Variants in LMNB1 observed in about 807,000 individuals in gnomAD.
LMNB1 encodes lamin B1.
A neutral mutation model predicts 67.1 loss-of-function variants in LMNB1; 23 were observed. That is an observed-to-expected ratio of 0.34 (90% CI 0.25 to 0.49). The LOEUF is 0.49. Among genes scored for constraint, LMNB1 ranks in the 20% least tolerant of loss-of-function variants. LMNB1 has a pLI of 0.99. For missense variants in LMNB1, 634 were observed against 746.5 expected (o/e 0.85, Z 1.76); for synonymous variants, 281 against 282.9 (o/e 0.99, Z 0.07).
intron 10 of LMNB1, among the ~76,000 whole-genome samples, chr5:126,835,746 T>TA (rs1178884292): frequency 1.3e-5 from 2 of 152,232 alleles, no homozygotes; most frequent in Admixed American, 6.5e-5. Flanking sequence ...AGTTGACAAT[T>TA]ACTGTTCTGG....
At chr5:126,782,081 C>T (rs965117800) in intron 1 of LMNB1, among the ~76,000 whole-genome samples, 2 of 152,166 alleles carry the variant, frequency 1.3e-5, no homozygotes, top group African/African-American at 4.8e-5. Context: ...CATCACTCAA[C>T]ACTTTAAACA....
At chr5:126,812,816 C>T (rs1054832344) in intron 5 of LMNB1, among the ~76,000 whole-genome samples, 31 of 150,658 alleles carry the variant, frequency 2.1e-4, no homozygotes, top group African/African-American at 6.9e-4. Flanking sequence ...CTGTGAGCTC[C>T]GCCTCCCGGG....
intron 5 of LMNB1, among the ~76,000 whole-genome samples, chr5:126,814,038 G>A (rs566078250): frequency 6.6e-6 from 1 of 152,130 alleles, no homozygotes; most frequent in East Asian, 1.9e-4. Context: ...TGGGATTACC[G>A]GCATGCACCA....
In LMNB1 at chr5:126,783,228, C is replaced by T. The variant is rs112258408; in HGVS notation, c.359+5361C>T. ...AACAAAAACAAACAAACAAAAAAAC[C>T]ACAAAAAACAAACCTTCATCATCCT... On this transcript the variant is annotated intron_variant, in intron 1 of 10. Coordinates refer to ENST00000261366, the MANE Select transcript of LMNB1 (RefSeq NM_005573.4). Among the ~76,000 whole-genome samples the T allele has an allele frequency of 2.5e-3, 377 of 151,774 alleles. 1 individual carries two copies. The highest frequency in any genetic ancestry group is 7.9e-3 in the African/African-American group (328 of 41,454).
chr5:126,833,440 C>T (rs1258094026), intron 10 of LMNB1, among the ~76,000 whole-genome samples: 2 of 152,196 alleles, frequency 1.3e-5, no homozygotes, highest in Non-Finnish European at 2.9e-5. Context: ...GACTTTGTTT[C>T]CATGGCTCCA....
At chr5:126,831,715 G>A (rs543246045) in intron 9 of LMNB1, among the ~76,000 whole-genome samples, 4 of 152,242 alleles carry the variant, frequency 2.6e-5, no homozygotes, top group African/African-American at 9.6e-5. Flanking sequence ...ATCTTTGCCA[G>A]GAGCTAAGAT....
At chr5:126,815,238 A>C (rs143682083) in intron 5 of LMNB1, 1 of 152,310 alleles carries the variant, frequency 6.6e-6, no homozygotes, top group East Asian at 1.9e-4. Flanking sequence ...CTTTTGGTTA[A>C]ATAACTCAGG....
intron 8 of LMNB1, 60 bp downstream of exon 8, chr5:126,822,945 A>C: frequency 6.0e-6 from 7 of 1,159,888 alleles, no homozygotes; most frequent in East Asian, 2.5e-5. Context: ...AAAGTAACTC[A>C]AAAAGTTTTT....
chr5:126,814,156 A>G (rs1413427663), intron 5 of LMNB1, among the ~76,000 whole-genome samples: 1 of 152,088 alleles, frequency 6.6e-6, no homozygotes, highest in Non-Finnish European at 1.5e-5. Flanking sequence ...CAGCCTCCCA[A>G]AGTGTTGGGA....
intron 1 of LMNB1, among the ~76,000 whole-genome samples, chr5:126,796,786 C>CTTTTTTTTTTTTTTT (rs34534973): frequency 5.9e-5 from 7 of 118,750 alleles, no homozygotes; most frequent in Admixed American, 9.1e-5. Flanking sequence ...TTTTTTCTTT[C>CTTTTTTTTTTTTTTT]TTTTTTTTTT....
At chr5:126,793,808 G>A (rs144645440) in intron 1 of LMNB1, among the ~76,000 whole-genome samples, 1,791 of 152,182 alleles carry the variant, frequency 0.012, 27 homozygotes, top group African/African-American at 0.041. Context: ...CCCGGAAGGC[G>A]GAGGTTGCAG....
intron 5 of LMNB1, among the ~76,000 whole-genome samples, chr5:126,817,114 A>G (rs1006699124): frequency 4.6e-5 from 7 of 152,220 alleles, no homozygotes; most frequent in African/African-American, 1.7e-4. Context: ...CGTATGGACC[A>G]TGGGCATTTA....
intron 9 of LMNB1, among the ~76,000 whole-genome samples, chr5:126,829,893 G>C (rs994162209): frequency 1.3e-5 from 2 of 152,212 alleles, no homozygotes; most frequent in Admixed American, 6.5e-5. Flanking sequence ...TTATTCAGGA[G>C]GGAGGGGGCA....
intron 6 of LMNB1, among the ~76,000 whole-genome samples, chr5:126,820,392 T>A (rs760623621): frequency 6.6e-6 from 1 of 152,246 alleles, no homozygotes; most frequent in Non-Finnish European, 1.5e-5. Context: ...ATTCAGATTG[T>A]TATTTTTTAA....
At chr5:126,825,702 G>A (rs1224032344) in intron 8 of LMNB1, among the ~76,000 whole-genome samples, 1 of 152,154 alleles carries the variant, frequency 6.6e-6, no homozygotes, top group Admixed American at 6.5e-5. Flanking sequence ...ACTAAAGTAA[G>A]GTAACTTGCT....
rs888272364 is a variant in LMNB1, at chr5:126,819,057, G to T, written c.1075G>T (p.Asp359Tyr). ...IRDQMQQQLN[D>Y]YEQLLDVKLA... Reference sequence around the variant, plus strand: ...GGATCAAATGCAGCAACAGCTGAATGACTATGAACAGCTTCTTGATGTAAA... The same window carrying T: ...GGATCAAATGCAGCAACAGCTGAATTACTATGAACAGCTTCTTGATGTAAA... Residue 359 changes from aspartate (D) to tyrosine (Y), a missense_variant, in exon 6 of 11, where the codon GAC becomes TAC. Coordinates refer to ENST00000261366, the MANE Select transcript of LMNB1 (RefSeq NM_005573.4). 1 of 1,614,150 alleles carries T rather than the reference G, an allele frequency of 6.2e-7. No individual in the cohort carries two copies. The highest frequency in any genetic ancestry group is 1.3e-5 in the African/African-American group (1 of 75,058).
In LMNB1 at chr5:126,777,160, A is replaced by T. The variant is rs1353443231; in HGVS notation, c.-349A>T. ...CGCTCCGTGCAGCCTGAGAGGAAAC[A>T]AAGTGCTGCGAGCAGGAGACGGCGG... is the stretch of plus-strand genomic sequence containing the variant. On this transcript the variant is annotated 5_prime_UTR_variant, in exon 1 of 11. Transcript: ENST00000261366. 5.8e-6 allele frequency: 1 copy of T among 172,786 alleles called. No homozygotes were observed. Among genetic ancestry groups the T allele is most frequent in the African/African-American group, 2.4e-5 (1 of 41,904 alleles). The allele number at this position is 172,786 out of a possible 1,614,324, so 10.7% of individuals were successfully genotyped here. A position where few individuals can be genotyped will look rare whatever the true frequency, so the allele number is the denominator to read the frequency against.
intron 1 of LMNB1, among the ~76,000 whole-genome samples, chr5:126,778,944 C>G (rs895271456): frequency 1.3e-5 from 2 of 152,196 alleles, no homozygotes; most frequent in Non-Finnish European, 2.9e-5. Flanking sequence ...TTTTGACTTT[C>G]TGATAAGCAA....
chr5:126,830,779 C>T (rs1271484582), intron 9 of LMNB1, among the ~76,000 whole-genome samples: 2 of 152,158 alleles, frequency 1.3e-5, no homozygotes, highest in Non-Finnish European at 2.9e-5. Context: ...ACTCGTTCCT[C>T]ATTTTAAGAT....
Sources: gnomAD v4.1 joint callset for allele counts (sites outside exome capture counted in the v4.1 genomes callset) on GRCh38, gnomAD v4.1.1 for gene constraint, MANE v1.5 for transcripts, NCBI Gene and HGNC (gene_info 2026-07-23, HGNC 2026-07-21) for gene names.